The following NEDD9 variants were observed in gnomAD, a reference collection of about 807,000 sequenced individuals.
NEDD9 encodes the protein enhancer of filamentation 1.
Under a neutral mutation model 76.6 loss-of-function variants are expected in NEDD9, and 26 were observed. That is an observed-to-expected ratio of 0.34 (90% CI 0.25 to 0.47). The LOEUF (loss-of-function observed/expected upper bound fraction) is 0.47. NEDD9 is among the 20% of genes least tolerant of loss of function. The pLI is 1.00. For synonymous variants in NEDD9, 392 were observed against 414.2 expected, an observed-to-expected ratio of 0.95 and a Z score of 0.65; for missense variants, 937 against 1,058.5, an observed-to-expected ratio of 0.89 and a Z score of 1.59.
At chr6:11,311,697 G>C (rs921600611) in intron 2 of NEDD9, among the ~76,000 whole-genome samples, 1 of 152,206 alleles carries the variant, frequency 6.6e-6, no homozygotes, top group East Asian at 1.9e-4. Context: ...TAGTTTGCTA[G>C]AGCTGCCATA....
chr6:11,366,384 C>CAG lies in NEDD9; in HGVS notation c.-214+15753_-214+15754dup, dbSNP rs538981875. Among the ~76,000 whole-genome samples, 452 of 130,366 alleles carry CAG rather than the reference C, an allele frequency of 3.5e-3. 2 individuals carry two copies. The highest frequency in any genetic ancestry group is 0.012 in the African/African-American group (423 of 35,354). 85.5% of individuals were successfully genotyped at this position (130,366 alleles called of 152,430 possible). A position where few individuals can be genotyped will look rare whatever the true frequency, so the allele number is the denominator to read the frequency against. On this transcript the variant is annotated intron_variant, in intron 1 of 3. Transcript: ENST00000397378. Reference sequence around the variant, plus strand: ...AGAAAGAAAGAAAGGGGGAGCAAGACAGAGAGAGAGAGAAATAAAAGAAGA... The same window carrying CAG: ...AGAAAGAAAGAAAGGGGGAGCAAGACAGAGAGAGAGAGAGAAATAAAAGAAGA...
At chr6:11,215,834 GTAGAA>G (rs1377971719) in intron 1 of NEDD9, among the ~76,000 whole-genome samples, 1 of 152,192 alleles carries the variant, frequency 6.6e-6, no homozygotes, top group Non-Finnish European at 1.5e-5. Flanking sequence ...ACAGAAAACA[GTAGAA>G]AGGCAAAGGG....
chr6:11,218,430 C>CT (rs1247174047), intron 1 of NEDD9, among the ~76,000 whole-genome samples: 1 of 151,352 alleles, frequency 6.6e-6, no homozygotes, highest in Non-Finnish European at 1.5e-5. Context: ...CGAAACCCAT[C>CT]TTCCATTTAA....
At chr6:11,341,307 A>T (rs1762268526) in intron 1 of NEDD9, among the ~76,000 whole-genome samples, 1 of 152,098 alleles carries the variant, frequency 6.6e-6, no homozygotes, top group East Asian at 1.9e-4. Flanking sequence ...CTGCCTGGAG[A>T]CTTGAGTTTG....
At chr6:11,202,721 G>A (rs1293225747) in intron 2 of NEDD9, among the ~76,000 whole-genome samples, 5 of 152,098 alleles carry the variant, frequency 3.3e-5, no homozygotes, top group East Asian at 3.8e-4. Context: ...ATACACCCTC[G>A]TAAGCCATGT....
At chr6:11,323,603 C>T (rs1761859146) in intron 2 of NEDD9, among the ~76,000 whole-genome samples, 1 of 152,228 alleles carries the variant, frequency 6.6e-6, no homozygotes. Context: ...CTACGGTACA[C>T]TGGACAGTCT....
intron 3 of NEDD9, among the ~76,000 whole-genome samples, chr6:11,256,541 A>T (rs987119264): frequency 6.6e-6 from 1 of 152,028 alleles, no homozygotes. Flanking sequence ...CCCAGGCTAG[A>T]GTGTGGACCT....
chr6:11,235,969 G>GCTA (rs1759591658), upstream of NEDD9, among the ~76,000 whole-genome samples: 1 of 152,152 alleles, frequency 6.6e-6, no homozygotes, highest in Admixed American at 6.5e-5. This position sits in a 1 kb window ranked among gnomAD's most constrained non-coding sequence, Gnocchi z 4.1. Context: ...AGGACAGCAG[G>GCTA]CTACTAGTTA....
intron 1 of NEDD9, among the ~76,000 whole-genome samples, chr6:11,219,030 C>T (rs1250984557): frequency 6.6e-6 from 1 of 152,186 alleles, no homozygotes; most frequent in East Asian, 1.9e-4. Context: ...GGTGACAGAG[C>T]ACCATTCAAA....
intron 2 of NEDD9, among the ~76,000 whole-genome samples, chr6:11,319,109 G>A (rs1299609522): frequency 1.3e-5 from 2 of 152,224 alleles, no homozygotes; most frequent in East Asian, 3.8e-4. Flanking sequence ...TGGTTGTGCA[G>A]ATGCCATGTG....
intron 2 of NEDD9, among the ~76,000 whole-genome samples, chr6:11,196,377 T>C (rs1758294650): frequency 6.6e-6 from 1 of 152,112 alleles, no homozygotes; most frequent in Admixed American, 6.5e-5. Flanking sequence ...GGCGTTGGTG[T>C]CTGAAAATAG....
intron 3 of NEDD9, among the ~76,000 whole-genome samples, chr6:11,280,474 G>A (rs1475121574): frequency 6.6e-6 from 1 of 152,142 alleles, no homozygotes; most frequent in East Asian, 1.9e-4. Context: ...GGAGTGGCTG[G>A]CCCCCACCAT....
chr6:11,305,115 G>C, intron 3 of NEDD9: 1 of 1,289,074 alleles, frequency 7.8e-7, no homozygotes, highest in Non-Finnish European at 1.0e-6. Flanking sequence ...GGCTTGATAC[G>C]GTGCCCAGAG....
intron 3 of NEDD9, chr6:11,305,389 C>A: frequency 3.5e-6 from 1 of 283,362 alleles, no homozygotes; most frequent in South Asian, 3.3e-5. Flanking sequence ...TCTTTGTGAC[C>A]CTCAATGCCA....
chr6:11,293,180 G>C (rs914701748), intron 3 of NEDD9, among the ~76,000 whole-genome samples: 11 of 149,922 alleles, frequency 7.3e-5, no homozygotes, highest in African/African-American at 2.5e-4. Context: ...ATTGTTGCTA[G>C]ACAATCTAAG....
intron 3 of NEDD9, among the ~76,000 whole-genome samples, chr6:11,279,728 G>C (rs1760495505): frequency 6.6e-6 from 1 of 152,120 alleles, no homozygotes; most frequent in Non-Finnish European, 1.5e-5. Context: ...GCCGGGGCCA[G>C]GCAAGGGGAA....
intron 1 of NEDD9, among the ~76,000 whole-genome samples, chr6:11,337,779 T>C (rs1245151228): frequency 6.6e-6 from 1 of 152,224 alleles, no homozygotes; most frequent in Non-Finnish European, 1.5e-5. Context: ...GCAGGGGATC[T>C]GAGTTTTGTT....
chr6:11,300,185 A>C (rs987468805), intron 3 of NEDD9, among the ~76,000 whole-genome samples: 3 of 152,350 alleles, frequency 2.0e-5, no homozygotes, highest in Admixed American at 1.3e-4. Context: ...ATGGAGCTGA[A>C]AACCACGGCA....
chr6:11,189,859 T>C (rs1488018090), intron 5 of NEDD9, 105 bp downstream of exon 5: 1 of 1,349,930 alleles, frequency 7.4e-7, no homozygotes, highest in East Asian at 2.3e-5. Flanking sequence ...TAACATTAAT[T>C]ATGTTCTCTC....
Sources: gnomAD v4.1 joint callset for allele counts (sites outside exome capture counted in the v4.1 genomes callset) on GRCh38, gnomAD v4.1.1 for gene constraint, Gnocchi (gnomAD v3.1) non-coding constraint, MANE v1.5 for transcripts, NCBI Gene and HGNC (gene_info 2026-07-23, HGNC 2026-07-21) for gene names.